Variants in ACTR3C observed in about 807,000 individuals in gnomAD.
The protein encoded by ACTR3C is actin related protein 3C, also known as actin-related protein 3C.
ACTR3C carries 18 observed loss-of-function variants against 26.3 expected under a neutral mutation model. The observed-to-expected ratio is 0.68, with a 90% CI of 0.47 to 1.01. The LOEUF (loss-of-function observed/expected upper bound fraction) is 1.01. Ranked by LOEUF, ACTR3C falls within the 50% of genes least tolerant of loss-of-function variation. ACTR3C has a pLI of 0.00. For synonymous variants in ACTR3C, 55 were observed against 94.5 expected (o/e 0.58, Z 2.42); for missense variants, 184 against 250.7 (o/e 0.73, Z 1.80).
the ACTR3C span, among the ~76,000 whole-genome samples, chr7:150,039,004 G>GGT: frequency 0.026 from 1,305 of 50,760 alleles, 325 homozygotes; most frequent in African/African-American, 0.071. Context: ...AGAGCCGGGG[G>GGT]GCGGGGAAGA....
chr7:149,891,926 A>G, the ACTR3C span, among the ~76,000 whole-genome samples: 1 of 116,324 alleles, frequency 8.6e-6, no homozygotes, highest in East Asian at 2.7e-4. Flanking sequence ...CTGCTTAAAT[A>G]ACGTTAGTGT....
intron 6 of ACTR3C, among the ~76,000 whole-genome samples, chr7:150,273,751 G>A (rs1306576090): frequency 1.3e-5 from 2 of 151,032 alleles, no homozygotes; most frequent in East Asian, 1.9e-4. Context: ...ACCCCAACCT[G>A]TACCCCCGCC....
At chr7:149,979,604 T>C in the ACTR3C span, among the ~76,000 whole-genome samples, 1 of 152,178 alleles carries the variant, frequency 6.6e-6, no homozygotes, top group Non-Finnish European at 1.5e-5. Flanking sequence ...CTCAATTATT[T>C]TGAGTTACTA....
intron 4 of ACTR3C, among the ~76,000 whole-genome samples, chr7:150,288,910 C>T (rs577345354): frequency 1.4e-4 from 21 of 151,702 alleles, no homozygotes; most frequent in African/African-American, 4.4e-4. Context: ...GCCTCAGTTA[C>T]GAGGTGCTGA....
chr7:150,105,105 T>C, the ACTR3C span, among the ~76,000 whole-genome samples: 1 of 149,034 alleles, frequency 6.7e-6, no homozygotes, highest in African/African-American at 2.5e-5. Context: ...TTTTTTGAGA[T>C]GGAGTCCCAC....
At chr7:149,907,478 T>TTCTCTTCTCTTC in the ACTR3C span, among the ~76,000 whole-genome samples, 1 of 97,606 alleles carries the variant, frequency 1.0e-5, no homozygotes, top group South Asian at 4.6e-4. Flanking sequence ...CTCTCTTCTC[T>TTCTCTTCTCTTC]TCTCTCTCTC....
the ACTR3C span, among the ~76,000 whole-genome samples, chr7:150,039,804 TCCC>T: frequency 8.8e-6 from 1 of 113,126 alleles, no homozygotes. Flanking sequence ...TGGCTCTCAG[TCCC>T]TGCCTCGCGG....
chr7:150,034,545 C>A, the ACTR3C span, among the ~76,000 whole-genome samples: 4 of 151,598 alleles, frequency 2.6e-5, no homozygotes, highest in Admixed American at 2.6e-4. Context: ...TCTACAAAAT[C>A]CCACAGCTCC....
At chr7:149,927,682 C>T in the ACTR3C span, among the ~76,000 whole-genome samples, 6 of 150,820 alleles carry the variant, frequency 4.0e-5, no homozygotes, top group East Asian at 9.8e-4. Context: ...GAGCCAAGAT[C>T]ACGCCATTCT....
At chr7:150,171,545 A>G in the ACTR3C span, among the ~76,000 whole-genome samples, 7 of 147,768 alleles carry the variant, frequency 4.7e-5, no homozygotes, top group South Asian at 2.1e-4. Flanking sequence ...CAGGTTTCAA[A>G]TCAACATTTT....
chr7:150,245,535 G>A (rs1485121510), downstream of ACTR3C: 1 of 152,182 alleles, frequency 6.6e-6, no homozygotes. Flanking sequence ...TTCATCTCTA[G>A]TCAGAGTCCC....
chr7:149,953,275 GC>G, the ACTR3C span, among the ~76,000 whole-genome samples: 1 of 149,504 alleles, frequency 6.7e-6, no homozygotes, highest in East Asian at 1.9e-4. Context: ...GACTACAGAT[GC>G]CTAGGAAATC....
intron 6 of ACTR3C, among the ~76,000 whole-genome samples, chr7:150,276,690 T>C (rs4015668): frequency 1.5e-4 from 23 of 152,322 alleles, no homozygotes; most frequent in African/African-American, 5.3e-4. Context: ...TCTAACTACC[T>C]CCTCTTCGGC....
the ACTR3C span, among the ~76,000 whole-genome samples, chr7:150,007,853 T>C: frequency 6.6e-6 from 1 of 151,930 alleles, no homozygotes; most frequent in Non-Finnish European, 1.5e-5. Flanking sequence ...TTGTCCTCAC[T>C]TTACTGGGGA....
At chr7:150,016,127 C>T in the ACTR3C span, among the ~76,000 whole-genome samples, 1 of 152,106 alleles carries the variant, frequency 6.6e-6, no homozygotes, top group Admixed American at 6.5e-5. Flanking sequence ...GCCTTTGCTA[C>T]TCCATCCTGC....
chr7:150,051,695 C>T, the ACTR3C span, among the ~76,000 whole-genome samples: 112 of 149,080 alleles, frequency 7.5e-4, 1 homozygote, highest in African/African-American at 2.6e-3. Context: ...TAGTGCTTCC[C>T]TATTTATTAC....
the ACTR3C span, among the ~76,000 whole-genome samples, chr7:150,037,158 C>G: frequency 1.9e-5 from 1 of 53,686 alleles, no homozygotes; most frequent in African/African-American, 7.4e-5. Flanking sequence ...GGGTGCCTCC[C>G]CCCCTGTGAT....
chr7:150,005,386 T>G, the ACTR3C span, among the ~76,000 whole-genome samples: 1 of 152,194 alleles, frequency 6.6e-6, no homozygotes, highest in Non-Finnish European at 1.5e-5. Flanking sequence ...CCAATCACTG[T>G]GATGTCCACA....
chr7:149,898,052 C>T, the ACTR3C span, among the ~76,000 whole-genome samples: 1 of 152,226 alleles, frequency 6.6e-6, no homozygotes, highest in African/African-American at 2.4e-5. Flanking sequence ...AAATTATAAA[C>T]AGTGGCACAC....
Sources: allele counts gnomAD v4.1 joint callset (sites outside exome capture counted in the v4.1 genomes callset), GRCh38; gene constraint gnomAD v4.1.1; transcripts MANE v1.5; gene names NCBI Gene and HGNC (gene_info 2026-07-23, HGNC 2026-07-21).